The following TBCK variants were observed in gnomAD, a reference collection of about 807,000 sequenced individuals.
TBCK encodes the protein TBC1 domain containing kinase.
TBCK carries 99 observed loss-of-function variants against 113.4 expected under a neutral mutation model. That is an observed-to-expected ratio of 0.87 (90% CI 0.74 to 1.03). The LOEUF (loss-of-function observed/expected upper bound fraction) is 1.03. Among genes scored for constraint, TBCK ranks in the 50% least tolerant of loss-of-function variants. The pLI, the probability that TBCK is intolerant of heterozygous loss-of-function variation, is 0.00. For synonymous variants in TBCK, 369 were observed against 370.8 expected (o/e 1.00, Z 0.05); for missense variants, 1,045 against 1,061.3 (o/e 0.98, Z 0.21).
chr4:106,123,929 A>G (rs1744798371), intron 23 of TBCK, among the ~76,000 whole-genome samples: 1 of 151,028 alleles, frequency 6.6e-6, no homozygotes, highest in Non-Finnish European at 1.5e-5. Flanking sequence ...ACCATTCAGG[A>G]CATAGGCATG....
Position 106,042,592 on chromosome 4 carries a change from C to T in TBCK, c.*3978G>A, listed in dbSNP as rs571061513. 6.6e-6 allele frequency: 1 copy of T among 152,152 alleles called. No homozygotes were observed. Among genetic ancestry groups the T allele is most frequent in the African/African-American group, 2.4e-5 (1 of 41,404 alleles). 9.4% of individuals were successfully genotyped at this position (152,152 alleles called of 1,614,324 possible). ...GCCAGGATGGTCTCGATCTCCTGAC[C>T]TTGTGATCTGCCTGCCTCGGCCTCC... On this transcript the variant is annotated 3_prime_UTR_variant, in exon 26 of 26. Coordinates refer to ENST00000394708, the MANE Select transcript of TBCK (RefSeq NM_001163435.3).
At chr4:106,284,542 T>G (rs1764930478) in intron 3 of TBCK, among the ~76,000 whole-genome samples, 1 of 152,112 alleles carries the variant, frequency 6.6e-6, no homozygotes, top group Non-Finnish European at 1.5e-5. Context: ...ACCATAACCC[T>G]AAAAACGTGA....
chr4:106,074,616 T>G (rs1205481772), intron 25 of TBCK, among the ~76,000 whole-genome samples: 1 of 152,200 alleles, frequency 6.6e-6, no homozygotes, highest in East Asian at 1.9e-4. Flanking sequence ...ATTCATGTAT[T>G]TAGATACTAC....
chr4:106,254,311 G>T (rs763016330), intron 5 of TBCK, among the ~76,000 whole-genome samples: 4 of 152,196 alleles, frequency 2.6e-5, no homozygotes, highest in Non-Finnish European at 5.9e-5. Flanking sequence ...GGACATTTCT[G>T]CAACCCAAGT....
At chr4:106,089,740 G>A (rs956454988) in intron 25 of TBCK, among the ~76,000 whole-genome samples, 2 of 152,186 alleles carry the variant, frequency 1.3e-5, no homozygotes, top group African/African-American at 4.8e-5. Flanking sequence ...AAACTCAGCA[G>A]GACACTCATT....
At chr4:106,268,150 C>G (rs1029332390) in intron 3 of TBCK, among the ~76,000 whole-genome samples, 1 of 151,980 alleles carries the variant, frequency 6.6e-6, no homozygotes, top group Non-Finnish European at 1.5e-5. Flanking sequence ...CCAAGTGGCC[C>G]CTTTTTGACA....
At chr4:106,316,256 G>A, upstream of TBCK, 1 of 316,142 alleles carries the variant, frequency 3.2e-6, no homozygotes, top group Non-Finnish European at 5.9e-6. Flanking sequence ...CAGCCACCGC[G>A]ACCCAACGCT....
chr4:106,239,800 A>C (rs995459309), intron 12 of TBCK, among the ~76,000 whole-genome samples: 2 of 151,880 alleles, frequency 1.3e-5, no homozygotes, highest in Non-Finnish European at 2.9e-5. Context: ...CCCATGAAAC[A>C]TTCAAGAAAT....
chr4:106,232,917 T>C, intron 17 of TBCK, 21 bp downstream of exon 17: 1 of 1,604,592 alleles, frequency 6.2e-7, no homozygotes, highest in Non-Finnish European at 8.5e-7. Context: ...CCAGAGGAGT[T>C]TTAATGACTA....
At chr4:106,215,219 T>G (rs1185129187) in intron 19 of TBCK, among the ~76,000 whole-genome samples, 1 of 151,540 alleles carries the variant, frequency 6.6e-6, no homozygotes. Flanking sequence ...AAGGAAGCAG[T>G]AAACATGGAA....
chr4:106,134,227 A>G (rs1746304230), intron 23 of TBCK, among the ~76,000 whole-genome samples: 1 of 152,134 alleles, frequency 6.6e-6, no homozygotes. Context: ...AAACTGGATT[A>G]ATAGAAACAT....
At chr4:106,295,298 T>A (rs750408180) in intron 2 of TBCK, 132 bp from the exon 3 acceptor site, 2 of 574,228 alleles carry the variant, frequency 3.5e-6, no homozygotes, top group Non-Finnish European at 5.9e-6. Flanking sequence ...TCAAACTCTA[T>A]ATTAACTACA....
chr4:106,101,749 T>A (rs1741582558), intron 24 of TBCK, among the ~76,000 whole-genome samples: 1 of 152,188 alleles, frequency 6.6e-6, no homozygotes, highest in Non-Finnish European at 1.5e-5. Context: ...GTAACATTCC[T>A]TTAAAGTATT....
intron 24 of TBCK, among the ~76,000 whole-genome samples, chr4:106,098,807 A>C: frequency 6.6e-6 from 1 of 152,060 alleles, no homozygotes; most frequent in East Asian, 1.9e-4. Flanking sequence ...GTCTTGGAGT[A>C]AGTTGTACCC....
At chr4:106,247,107 A>C (rs557727446) in intron 10 of TBCK, 32 bp downstream of exon 10, 6 of 1,594,942 alleles carry the variant, frequency 3.8e-6, no homozygotes, top group South Asian at 1.1e-5. Flanking sequence ...AACAAGGCTC[A>C]TATTATTCTC....
intron 3 of TBCK, among the ~76,000 whole-genome samples, chr4:106,270,824 G>C (rs920156535): frequency 2.0e-5 from 3 of 152,052 alleles, no homozygotes; most frequent in Admixed American, 6.6e-5. Flanking sequence ...AATAAGTATT[G>C]GTCTGTCTTA....
chr4:106,285,098 A>G (rs1309004789), intron 3 of TBCK, among the ~76,000 whole-genome samples: 2 of 152,182 alleles, frequency 1.3e-5, no homozygotes, highest in African/African-American at 4.8e-5. Context: ...ACTATGGCAC[A>G]GATAACATAA....
At chr4:106,124,325 G>C (rs1744867042) in intron 23 of TBCK, among the ~76,000 whole-genome samples, 4 of 152,240 alleles carry the variant, frequency 2.6e-5, no homozygotes, top group South Asian at 4.2e-4. Context: ...CAGTTAGAAT[G>C]GCAATCATTA....
intron 20 of TBCK, among the ~76,000 whole-genome samples, chr4:106,201,392 G>C (rs1241743495): frequency 6.6e-6 from 1 of 151,914 alleles, no homozygotes; most frequent in East Asian, 1.9e-4. Flanking sequence ...GGTGGGTTTT[G>C]ATTAAAAAGA....
Sources: gnomAD v4.1 joint callset for allele counts (sites outside exome capture counted in the v4.1 genomes callset) on GRCh38, gnomAD v4.1.1 for gene constraint, MANE v1.5 for transcripts, NCBI Gene and HGNC (gene_info 2026-07-23, HGNC 2026-07-21) for gene names.